The following KANK3 variants were observed in gnomAD, a reference collection of about 807,000 sequenced individuals.
KANK3 encodes the protein KN motif and ankyrin repeat domain-containing protein 3.
In KANK3, 61 loss-of-function variants were observed where a neutral mutation model predicts 65.4. The ratio of observed to expected loss-of-function variants is 0.93; its 90% CI spans 0.76 to 1.15. The LOEUF (loss-of-function observed/expected upper bound fraction) is 1.15. Ranked by LOEUF, KANK3 falls within the 50% of genes most tolerant of loss-of-function variation. The pLI, the probability that KANK3 is intolerant of heterozygous loss-of-function variation, is 0.00. For synonymous variants in KANK3, 586 were observed against 543.3 expected (o/e 1.08, Z -1.09); for missense variants, 1,187 against 1,178.8 (o/e 1.01, Z -0.10).
chr19:8,325,722 C>A (rs1054234801), intron 7 of KANK3, among the ~76,000 whole-genome samples: 2 of 152,184 alleles, frequency 1.3e-5, no homozygotes, highest in Non-Finnish European at 2.9e-5. Context: ...TGTTTATTTT[C>A]ATGGCCACCA....
In KANK3 at chr19:8,324,263, C is replaced by T. The variant is rs571656727; in HGVS notation, c.2382+186G>A. ...CTGATCACACCACTACACCCCAACC[C>T]GGGTTACAGAGTGAGACCCTGTCTC... On this transcript the variant is annotated intron_variant, in intron 10 of 10. Transcript: ENST00000330915. Among the ~76,000 whole-genome samples, 23 of 152,326 alleles carry T rather than the reference C, an allele frequency of 1.5e-4. No individual in the cohort carries two copies. The South Asian group carries it at 3.3e-3, about 22-fold the overall frequency.
chr19:8,327,704 G>A (rs1187348573), intron 7 of KANK3, among the ~76,000 whole-genome samples: 2 of 152,164 alleles, frequency 1.3e-5, no homozygotes, highest in Admixed American at 1.3e-4. Context: ...TGAGGTGGAA[G>A]GATCGCTTGA....
intron 7 of KANK3, among the ~76,000 whole-genome samples, chr19:8,330,672 G>C (rs193206332): frequency 6.6e-6 from 1 of 151,680 alleles, no homozygotes; most frequent in Non-Finnish European, 1.5e-5. Context: ...AGGTTGCAGT[G>C]AGCCGAGATT....
intron 7 of KANK3, 122 bp from the exon 8 acceptor site, chr19:8,325,218 A>G: frequency 1.9e-6 from 2 of 1,041,274 alleles, no homozygotes; most frequent in East Asian, 2.8e-5. Flanking sequence ...CGTTCTCCCC[A>G]CAATAGCTAC....
chr19:8,340,865 C>G (rs144938489), intron 1 of KANK3, among the ~76,000 whole-genome samples: 1 of 152,190 alleles, frequency 6.6e-6, no homozygotes. Flanking sequence ...AGCGGGTCAT[C>G]GCAGAGGACA....
chr19:8,341,688 G>C (rs1767272025), intron 1 of KANK3, among the ~76,000 whole-genome samples: 1 of 152,152 alleles, frequency 6.6e-6, no homozygotes, highest in African/African-American at 2.4e-5. Flanking sequence ...CAGGTGTCTT[G>C]CTATATTGCC....
intron 1 of KANK3, among the ~76,000 whole-genome samples, chr19:8,340,454 G>A (rs537292619): frequency 3.9e-5 from 6 of 152,004 alleles, no homozygotes; most frequent in Admixed American, 1.3e-4. Flanking sequence ...GCCCATCTGC[G>A]GAACCCTTGT....
In KANK3 at chr19:8,335,081, C is replaced by A. The variant is rs1231951563; in HGVS notation, c.746G>T (p.Arg249Leu). 9.2e-6 allele frequency: 12 copies of A among 1,310,996 alleles called. No homozygotes were observed. The highest frequency in any genetic ancestry group is 1.2e-5 in the Non-Finnish European group (12 of 1,034,828). 81.2% of individuals were successfully genotyped at this position (1,310,996 alleles called of 1,614,324 possible). A position where few individuals can be genotyped will look rare whatever the true frequency, so the allele number is the denominator to read the frequency against. The change falls in exon 3 of 11, where the codon CGG (arginine) becomes CTG (leucine). Residue 249 changes from arginine (R) to leucine (L), a missense_variant. This residue lies in a region of KANK3 where 1,078 missense variants were observed against 1,038.2 expected (regional missense o/e 1.04). Coordinates refer to ENST00000330915, the MANE Select transcript of KANK3 (RefSeq NM_198471.3). The stretch of plus-strand genomic sequence containing the variant: ...GGAGGTGGCCAGGCGCTCGGTGAGC[C>A]GCCGCAGCTGGGCGAGCTTGTCCGG... The part of the protein sequence containing the change: ...TRPDKLAQLR[R>L]LTERLATSER...
intron 4 of KANK3, 46 bp from the exon 5 acceptor site, chr19:8,334,162 C>G (rs924994555): frequency 1.3e-6 from 2 of 1,488,150 alleles, no homozygotes; most frequent in Non-Finnish European, 1.8e-6. Flanking sequence ...CCTGTGGGCT[C>G]GTTCTGGAGT....
In KANK3 at chr19:8,327,322, G is replaced by A. The variant is rs115758473; in HGVS notation, c.1937-2226C>T. ...TCTGAGGCCAGCCTGAGCAACATAG[G>A]AAGACCCCCCCATCTCTTAAAAAAT... On this transcript the variant is annotated intron_variant, in intron 7 of 10. Transcript: ENST00000330915. Among the ~76,000 whole-genome samples, 766 of 151,670 alleles carry A rather than the reference G, an allele frequency of 5.1e-3. 5 individuals are homozygous for A. Among genetic ancestry groups the A allele is most frequent in the African/African-American group, 0.018 (744 of 41,320 alleles).
In KANK3 at chr19:8,334,628, G is replaced by T. The variant is rs1183810035; in HGVS notation, c.1199C>A (p.Ala400Asp). 1.9e-5 allele frequency: 30 copies of T among 1,553,192 alleles called. No homozygotes were observed. The highest frequency in any genetic ancestry group is 2.2e-5 in the Non-Finnish European group (26 of 1,157,278). Residue 400 changes from alanine (A) to aspartate (D), a missense_variant, in exon 3 of 11, where the codon GCC (alanine) becomes GAC (aspartate). Ala to Asp is a moderately radical substitution (Grantham distance 126). This residue lies in a region of KANK3 where 1,078 missense variants were observed against 1,038.2 expected (regional missense o/e 1.04). Transcript: ENST00000330915. ...AAGARAQLRE[A>D]TTQTPWSCAE... ...ACAGCTCCACGGGGTCTGGGTGGTGGCCTCGCGTAGCTGGGCCCGGGCCCC... is the reference window on the plus strand; with the variant it reads ...ACAGCTCCACGGGGTCTGGGTGGTGTCCTCGCGTAGCTGGGCCCGGGCCCC...
At position 8,324,613 on chromosome 19, in the gene KANK3, C is replaced by T; in HGVS notation, c.2283+17G>A. ...ATGGGCACCCCCCAAGATGCCAGCCCCATTGTGGGGTCTTACATTGTCCAG... is the reference window on the plus strand; with the variant it reads ...ATGGGCACCCCCCAAGATGCCAGCCTCATTGTGGGGTCTTACATTGTCCAG... On this transcript the variant is annotated intron_variant, in intron 9 of 10. Transcript: ENST00000330915. 6.2e-7 allele frequency: 1 copy of T among 1,613,276 alleles called. No homozygotes were observed. Among genetic ancestry groups the T allele is most frequent in the Non-Finnish European group, 8.5e-7 (1 of 1,179,396 alleles).
intron 1 of KANK3, 65 bp downstream of exon 1, chr19:8,343,160 G>C (rs117833207): frequency 0.041 from 6,287 of 152,384 alleles, 184 homozygotes; most frequent in Non-Finnish European, 0.063. Context: ...GCCGGGTCCC[G>C]GTGCGTCCCC....
chr19:8,334,774 G>C lies in KANK3; in HGVS notation c.1053C>G (p.Ala351=). 1 of 1,500,410 alleles carries C rather than the reference G, an allele frequency of 6.7e-7. No individual in the cohort carries two copies. The highest frequency in any genetic ancestry group is 1.2e-5 in the South Asian group (1 of 80,450). 92.9% of individuals were successfully genotyped at this position (1,500,410 alleles called of 1,614,324 possible). ...TEALLGLPAA[A]ERELELLRAS... ...CGCGCAGCAGCTCTAGCTCGCGCTC[G>C]GCGGCCGCAGGCAGCCCCAGCAGCG... Residue 351 remains alanine, a synonymous_variant, in exon 3 of 11, where the codon GCC becomes GCG. Coordinates refer to ENST00000330915, the MANE Select transcript of KANK3 (RefSeq NM_198471.3).
At chr19:8,327,969 T>C (rs999410555) in intron 7 of KANK3, among the ~76,000 whole-genome samples, 6 of 152,162 alleles carry the variant, frequency 3.9e-5, no homozygotes, top group African/African-American at 7.2e-5. Context: ...GCAGCTACCT[T>C]GACCTTGCTT....
At position 8,322,781 on chromosome 19, in the gene KANK3, G is replaced by T; in HGVS notation, c.*58C>A. The T allele has an allele frequency of 7.5e-7, 1 of 1,333,548 alleles. No individual in the cohort carries two copies. The highest frequency in any genetic ancestry group is 1.1e-6 in the Non-Finnish European group (1 of 934,146). 82.6% of individuals were successfully genotyped at this position (1,333,548 alleles called of 1,614,324 possible). Reference sequence around the variant, plus strand: ...TGGACCCTTCTGTGCGCCAAAGGCTGAGGTGACTGACGAGGAGATCTCCCC... The same window carrying T: ...TGGACCCTTCTGTGCGCCAAAGGCTTAGGTGACTGACGAGGAGATCTCCCC... On this transcript the variant is annotated 3_prime_UTR_variant, in exon 11 of 11. Transcript: ENST00000330915.
intron 1 of KANK3, among the ~76,000 whole-genome samples, chr19:8,342,530 T>C (rs1970734178): frequency 6.6e-6 from 1 of 152,096 alleles, no homozygotes; most frequent in East Asian, 1.9e-4. Flanking sequence ...CAGGGACTAT[T>C]TTGGGACGCA....
At position 8,335,352 on chromosome 19, in the gene KANK3, G is replaced by T; in HGVS notation, c.475C>A (p.Arg159Ser). 1 of 1,194,392 alleles carries T rather than the reference G, an allele frequency of 8.4e-7. No individual in the cohort carries two copies. Among genetic ancestry groups the T allele is most frequent in the Non-Finnish European group, 1.0e-6 (1 of 964,334 alleles). 74.0% of individuals were successfully genotyped at this position (1,194,392 alleles called of 1,614,324 possible). A position where few individuals can be genotyped will look rare whatever the true frequency, so the allele number is the denominator to read the frequency against. ...CTGCGGCCGGACCCGCGTGGGCTGC[G>T]CGGGACCCCGCGGCCGGGGCTGGGC... ...RAPSPGRGVP[R>S]SPRGSGRSSP... Residue 159 changes from arginine (R) to serine (S), a missense_variant, in exon 3 of 11, where the codon CGC becomes AGC. By Grantham distance (110) the Arg-to-Ser change is moderately radical (BLOSUM62 -1). Coordinates refer to ENST00000330915, the MANE Select transcript of KANK3 (RefSeq NM_198471.3).
At position 8,333,252 on chromosome 19, in the gene KANK3, A is replaced by G. The variant is rs895067945; in HGVS notation, c.1720-22T>C. ...CGCCCTGCAAGGGACAGGGGCCAAGATAACATCGGCGATGGTCCACGGCGG... is the reference window on the plus strand; with the variant it reads ...CGCCCTGCAAGGGACAGGGGCCAAGGTAACATCGGCGATGGTCCACGGCGG... On this transcript the variant is annotated intron_variant, in intron 6 of 10. Transcript: ENST00000330915. The surrounding 1 kb of genome is among the most constrained non-coding windows in gnomAD (Gnocchi z 5.0). 5.0e-6 allele frequency: 8 copies of G among 1,585,846 alleles called. No individual in the cohort carries two copies. The highest frequency in any genetic ancestry group is 1.1e-5 in the South Asian group (1 of 89,984).
Sources: allele counts gnomAD v4.1 joint callset (sites outside exome capture counted in the v4.1 genomes callset), GRCh38; gene constraint gnomAD v4.1.1; regional missense constraint gnomAD v4.1.1; non-coding constraint Gnocchi (gnomAD v3.1); transcripts MANE v1.5; gene names NCBI Gene and HGNC (gene_info 2026-07-23, HGNC 2026-07-21).